NCKAP5: variants seen among roughly 807,000 people sequenced by gnomAD.
NCKAP5 encodes the protein nck-associated protein 5.
NCKAP5 carries 92 observed loss-of-function variants against 167.0 expected under a neutral mutation model. The observed-to-expected ratio is 0.55, with a 90% CI of 0.47 to 0.66. The LOEUF (loss-of-function observed/expected upper bound fraction) is 0.66, where lower values mean the gene tolerates loss of function less well. Among genes scored for constraint, NCKAP5 ranks in the 30% least tolerant of loss-of-function variants. NCKAP5 has a pLI of 0.00. For missense variants in NCKAP5, 2,378 were observed against 2,315.0 expected (o/e 1.03, Z -0.56); for synonymous variants, 891 against 877.4 (o/e 1.02, Z -0.27).
At chr2:133,338,947 G>A (rs1243812971) in intron 3 of NCKAP5, among the ~76,000 whole-genome samples, 1 of 152,164 alleles carries the variant, frequency 6.6e-6, no homozygotes, top group Non-Finnish European at 1.5e-5. Flanking sequence ...TTGAACCTGG[G>A]AGGTTGAGGC....
In NCKAP5 at chr2:132,784,911, C is replaced by T. The variant is rs1343696073; in HGVS notation, c.1900G>A (p.Glu634Lys). 1.3e-6 allele frequency: 2 copies of T among 1,574,466 alleles called. No homozygotes were observed. The highest frequency in any genetic ancestry group is 3.7e-5 in the Admixed American group (2 of 54,522). Residue 634 changes from glutamate to lysine, a missense_variant, in exon 14 of 20, where the codon GAG (glutamate) becomes AAG (lysine). Glu to Lys is a moderately conservative substitution (Grantham distance 56). This residue lies in a region of NCKAP5 where 1,049 missense variants were observed against 1,023.4 expected (regional missense o/e 1.02). Coordinates refer to ENST00000409261, the MANE Select transcript of NCKAP5 (RefSeq NM_207363.3). ...GKSLCGSPEE[E>K]EKQVPIPSET... is the part of the protein sequence containing the mutation. Reference sequence around the variant, plus strand: ...GAAGGGATGGGCACTTGTTTTTCCTCCTCTTCAGGAGACCCACATAGAGAT... The same window carrying T: ...GAAGGGATGGGCACTTGTTTTTCCTTCTCTTCAGGAGACCCACATAGAGAT...
intron 5 of NCKAP5, among the ~76,000 whole-genome samples, chr2:133,188,097 T>C (rs2085032337): frequency 6.6e-6 from 1 of 152,124 alleles, no homozygotes; most frequent in Non-Finnish European, 1.5e-5. Context: ...GGCATGTTTT[T>C]GCAGTTGCTG....
intron 9 of NCKAP5, among the ~76,000 whole-genome samples, chr2:132,875,746 C>G (rs1374741): frequency 0.22 from 33,106 of 152,192 alleles, 3,970 homozygotes; most frequent in Middle Eastern, 0.37. Context: ...TTCTAACATG[C>G]AAACCTCCAA....
At chr2:132,921,239 T>C (rs1695406104) in intron 8 of NCKAP5, among the ~76,000 whole-genome samples, 1 of 152,116 alleles carries the variant, frequency 6.6e-6, no homozygotes, top group African/African-American at 2.4e-5. Flanking sequence ...TCCTCTGTTG[T>C]GGAGGATCCA....
intron 4 of NCKAP5, among the ~76,000 whole-genome samples, chr2:133,262,042 A>G (rs1001307368): frequency 1.3e-5 from 2 of 152,244 alleles, no homozygotes; most frequent in African/African-American, 2.4e-5. Flanking sequence ...TTATATTAAA[A>G]GACCATAGCT....
At chr2:133,134,170 A>G (rs1431856094) in intron 5 of NCKAP5, among the ~76,000 whole-genome samples, 1 of 152,208 alleles carries the variant, frequency 6.6e-6, no homozygotes, top group African/African-American at 2.4e-5. Context: ...ACGAGCCACA[A>G]CCATCCACAT....
chr2:133,335,818 T>C (rs1683174938), intron 3 of NCKAP5, among the ~76,000 whole-genome samples: 1 of 152,204 alleles, frequency 6.6e-6, no homozygotes, highest in South Asian at 2.1e-4. Context: ...TATTTTATTT[T>C]CTAGTTCAGT....
intron 4 of NCKAP5, among the ~76,000 whole-genome samples, chr2:133,240,319 AT>A (rs2087623639): frequency 6.6e-6 from 1 of 152,242 alleles, no homozygotes; most frequent in African/African-American, 2.4e-5. Flanking sequence ...TTCTGGCTTA[AT>A]AAGTTAGTGA....
In NCKAP5 at chr2:133,379,912, C is replaced by T. The variant is rs529281557; in HGVS notation, c.70-76802G>A. Among the ~76,000 whole-genome samples, 10 of 152,072 alleles carry T rather than the reference C, an allele frequency of 6.6e-5. No homozygotes were observed. The South Asian group carries it at 1.0e-3, about 16-fold the overall frequency. Reference sequence around the variant, plus strand: ...ATGAAGGGAAACAGCCCAGTGCAACCGAAATACCAGCAAGTGAATAGATGT... The same window carrying T: ...ATGAAGGGAAACAGCCCAGTGCAACTGAAATACCAGCAAGTGAATAGATGT... On this transcript the variant is annotated intron_variant, in intron 3 of 19. Coordinates refer to ENST00000409261, the MANE Select transcript of NCKAP5 (RefSeq NM_207363.3).
At chr2:133,184,753 T>C (rs920739964) in intron 5 of NCKAP5, among the ~76,000 whole-genome samples, 3 of 152,166 alleles carry the variant, frequency 2.0e-5, no homozygotes, top group African/African-American at 7.2e-5. Context: ...GTTGGCTGCT[T>C]CCATGTATTC....
At chr2:133,176,649 A>T (rs1057485769) in intron 5 of NCKAP5, among the ~76,000 whole-genome samples, 4 of 152,244 alleles carry the variant, frequency 2.6e-5, no homozygotes, top group African/African-American at 9.6e-5. Flanking sequence ...GTCTTTGATT[A>T]GCAAACATCT....
chr2:133,264,699 G>A (rs1414813654), intron 4 of NCKAP5, among the ~76,000 whole-genome samples: 2 of 152,182 alleles, frequency 1.3e-5, no homozygotes, highest in South Asian at 2.1e-4. Context: ...AAATGCTACA[G>A]AACAAAGTTC....
intron 6 of NCKAP5, among the ~76,000 whole-genome samples, chr2:133,025,564 G>A (rs578115504): frequency 6.6e-6 from 1 of 152,284 alleles, no homozygotes; most frequent in African/African-American, 2.4e-5. Flanking sequence ...GTGAGTTTTA[G>A]AGGAGAGCCT....
chr2:133,266,679 G>A (rs1196044272), intron 4 of NCKAP5, among the ~76,000 whole-genome samples: 1 of 152,148 alleles, frequency 6.6e-6, no homozygotes. Context: ...CCTGGGCCAC[G>A]CGCTCACCGC....
chr2:133,338,639 T>C (rs1683371572), intron 3 of NCKAP5, among the ~76,000 whole-genome samples: 1 of 152,186 alleles, frequency 6.6e-6, no homozygotes, highest in Non-Finnish European at 1.5e-5. Flanking sequence ...CTACCAAGTG[T>C]TTTCTGTTTT....
rs1165083233 is a variant in NCKAP5 at position 133,297,203 on chromosome 2, G to GTA, written c.143+5833_143+5834insTA. On this transcript the variant is annotated intron_variant, in intron 4 of 19. Transcript: ENST00000409261. The stretch of plus-strand genomic sequence containing the variant: ...TGTGTGTGTGTGTGTGTGTGTGTGT[G>GTA]TGTGTGTTTTAAATCAAGCAGGGAG... Among the ~76,000 whole-genome samples the GTA allele has an allele frequency of 1.3e-3, 189 of 140,738 alleles. 1 individual carries two copies. The highest frequency in any genetic ancestry group is 4.8e-3 in the African/African-American group (182 of 38,130). The allele number at this position is 140,738 out of a possible 152,430, so 92.3% of individuals were successfully genotyped here.
At position 132,782,270 on chromosome 2, in the gene NCKAP5, T is replaced by C. The variant is rs1027590187; in HGVS notation, c.4541A>G (p.Lys1514Arg). ...PSFASWFGFR[K>R]SRLPALSSRK... ...GCTACTCAGAGCTGGAAGTCTACTC[T>C]TCCGAAAACCAAACCAGCTGGCAAA... is the stretch of plus-strand genomic sequence containing the variant. The change falls in exon 14 of 20, where the codon AAG (lysine) becomes AGG (arginine). Residue 1514 changes from lysine (K) to arginine (R), a missense_variant. By Grantham distance (26) the Lys-to-Arg change is conservative. Transcript: ENST00000409261. 1.9e-6 allele frequency: 3 copies of C among 1,613,944 alleles called. No individual in the cohort carries two copies. Among genetic ancestry groups the C allele is most frequent in the African/African-American group, 2.7e-5 (2 of 74,938 alleles).
chr2:133,166,770 A>AATC (rs2084018653), intron 5 of NCKAP5, among the ~76,000 whole-genome samples: 1 of 152,200 alleles, frequency 6.6e-6, no homozygotes, highest in Non-Finnish European at 1.5e-5. Flanking sequence ...TGAAAAACTG[A>AATC]ACTACAGCTA....
chr2:133,049,601 C>T (rs111590948), intron 6 of NCKAP5, among the ~76,000 whole-genome samples: 1 of 150,568 alleles, frequency 6.6e-6, no homozygotes, highest in African/African-American at 2.4e-5. Flanking sequence ...TCACAGTACA[C>T]CTAAGCAGTC....
Sources: allele counts gnomAD v4.1 joint callset (sites outside exome capture counted in the v4.1 genomes callset), GRCh38; gene constraint gnomAD v4.1.1; regional missense constraint gnomAD v4.1.1; transcripts MANE v1.5; gene names NCBI Gene and HGNC (gene_info 2026-07-23, HGNC 2026-07-21).